The following EYA1 variants were observed in gnomAD, a reference collection of about 807,000 sequenced individuals.
EYA1 encodes the protein EYA transcriptional coactivator and phosphatase 1.
A neutral mutation model predicts 82.0 loss-of-function variants in EYA1; 16 were observed. The ratio of observed to expected loss-of-function variants is 0.20; its 90% CI spans 0.13 to 0.30. The LOEUF (loss-of-function observed/expected upper bound fraction) is 0.30, where lower values mean the gene tolerates loss of function less well. EYA1 is among the 10% of genes least tolerant of loss of function. The pLI is 1.00. For synonymous variants in EYA1, 261 were observed against 264.4 expected, an observed-to-expected ratio of 0.99 and a Z score of 0.12; for missense variants, 633 against 730.7, an observed-to-expected ratio of 0.87 and a Z score of 1.54.
chr8:71,505,973 T>C (rs1002570251), intron 2 of EYA1, among the ~76,000 whole-genome samples: 13 of 152,116 alleles, frequency 8.5e-5, no homozygotes, highest in Non-Finnish European at 1.5e-4. Context: ...GACAGGTCCT[T>C]CTTCACACAC....
rs771783731 is a variant in EYA1 at position 71,216,712 on chromosome 8, G to A, written c.1340C>T (p.Thr447Ile). Residue 447 changes from threonine (T) to isoleucine (I), a missense_variant, in exon 14 of 18, where the codon ACC becomes ATC. Physicochemically the swap from Thr to Ile is moderately conservative, Grantham distance 89. Coordinates refer to ENST00000340726, the MANE Select transcript of EYA1 (RefSeq NM_000503.6). ...CTTGCCTCCAACATTATTTTTGTAGGTGTTGTAGATCTCTTTTACCCGTCT... is the reference window on the plus strand; with the variant it reads ...CTTGCCTCCAACATTATTTTTGTAGATGTTGTAGATCTCTTTTACCCGTCT... ...RYRRVKEIYN[T>I]YKNNVGGLLG... 5.6e-6 allele frequency: 9 copies of A among 1,613,996 alleles called. No individual in the cohort carries two copies. The highest frequency in any genetic ancestry group is 7.6e-6 in the Non-Finnish European group (9 of 1,179,996).
chr8:71,546,317 T>C (rs539866481), intron 1 of EYA1, among the ~76,000 whole-genome samples: 2 of 152,320 alleles, frequency 1.3e-5, no homozygotes, highest in South Asian at 4.1e-4. Flanking sequence ...TCTGGTACAA[T>C]GCACATTTTC....
At chr8:71,291,589 C>A (rs1819004405) in intron 9 of EYA1, among the ~76,000 whole-genome samples, 1 of 152,174 alleles carries the variant, frequency 6.6e-6, no homozygotes, top group Non-Finnish European at 1.5e-5. Flanking sequence ...AACTAATTAT[C>A]TTTTATTTCA....
chr8:71,421,297 C>T (rs1033179325), intron 2 of EYA1, among the ~76,000 whole-genome samples: 2 of 152,196 alleles, frequency 1.3e-5, no homozygotes, highest in Admixed American at 6.5e-5. Context: ...GGGAACTCAG[C>T]ACAGACTTAG....
chr8:71,352,890 CTG>C (rs1826445699), intron 3 of EYA1, among the ~76,000 whole-genome samples: 1 of 152,158 alleles, frequency 6.6e-6, no homozygotes, highest in Non-Finnish European at 1.5e-5. Flanking sequence ...AACACACACT[CTG>C]TTTCAGTACT....
chr8:71,346,463 T>TATATAC (rs1825754332), intron 3 of EYA1, among the ~76,000 whole-genome samples: 1 of 147,084 alleles, frequency 6.8e-6, no homozygotes, highest in Non-Finnish European at 1.5e-5. Flanking sequence ...TATCTATATA[T>TATATAC]ATCCTTCTCC....
chr8:71,256,255 C>T (rs1323511816), intron 11 of EYA1, among the ~76,000 whole-genome samples: 1 of 152,106 alleles, frequency 6.6e-6, no homozygotes, highest in East Asian at 1.9e-4. Context: ...TTTGCATACT[C>T]ATATTCATAG....
At chr8:71,268,736 C>T (rs1816163916) in intron 11 of EYA1, among the ~76,000 whole-genome samples, 1 of 152,126 alleles carries the variant, frequency 6.6e-6, no homozygotes, top group South Asian at 2.1e-4. Context: ...GAAATCTGGG[C>T]TGTGAAGCTA....
At chr8:71,453,629 C>G (rs377187081) in intron 2 of EYA1, among the ~76,000 whole-genome samples, 58 of 152,208 alleles carry the variant, frequency 3.8e-4, no homozygotes, top group African/African-American at 1.2e-3. Flanking sequence ...CATTCTTAAA[C>G]AAAAGAATTT....
At chr8:71,281,312 A>G (rs369864069) in intron 9 of EYA1, among the ~76,000 whole-genome samples, 2 of 152,124 alleles carry the variant, frequency 1.3e-5, no homozygotes, top group African/African-American at 4.8e-5. Context: ...AACCTCCAAC[A>G]CTGCTGAAGC....
At chr8:71,363,743 A>C (rs776308089), upstream of EYA1, among the ~76,000 whole-genome samples, 10 of 152,194 alleles carry the variant, frequency 6.6e-5, no homozygotes, top group Admixed American at 1.3e-4. Flanking sequence ...CAAACAGTAA[A>C]TACTTTTGCA....
intron 2 of EYA1, among the ~76,000 whole-genome samples, chr8:71,384,927 C>T (rs917347426): frequency 7.9e-5 from 12 of 152,096 alleles, no homozygotes; most frequent in South Asian, 2.1e-4. Flanking sequence ...TGTTCACTGA[C>T]GCAATAATTT....
Position 71,457,353 on chromosome 8 carries a change from C to T in EYA1, c.33+78391G>A, listed in dbSNP as rs566661691. 4.2e-3 allele frequency among the ~76,000 whole-genome samples: 632 copies of T among 152,246 alleles called. 4 individuals carry two copies. Among genetic ancestry groups the T allele is most frequent in the Non-Finnish European group, 4.5e-3 (305 of 68,016 alleles). On this transcript the variant is annotated intron_variant, in intron 2 of 18. Transcript: ENST00000643681. ...TCAACCATTGTGGAAGACAGTGTGG[C>T]GATTCCTCAAGGATCTAGAACTAGA...
intron 2 of EYA1, among the ~76,000 whole-genome samples, chr8:71,523,303 C>T (rs1049635537): frequency 5.9e-5 from 9 of 151,808 alleles, no homozygotes; most frequent in Admixed American, 5.9e-4. Flanking sequence ...CTCAGCCTCC[C>T]GGGTAGCTGG....
Position 71,317,547 on chromosome 8 carries a change from C to G in EYA1, c.556+5G>C, listed in dbSNP as rs886063088. ...TAAGGAAAATAGCAATGTGTATATA[C>G]AGACCTTGCATCTGGTAGCTGTATG... On this transcript the variant is annotated splice_donor_5th_base_variant and intron_variant, in intron 7 of 17. Transcript: ENST00000340726. 6.2e-7 allele frequency: 1 copy of G among 1,613,750 alleles called. No individual in the cohort carries two copies. Among genetic ancestry groups the G allele is most frequent in the Non-Finnish European group, 8.5e-7 (1 of 1,179,794 alleles).
At chr8:71,470,053 C>T (rs530031560) in intron 2 of EYA1, among the ~76,000 whole-genome samples, 1 of 152,142 alleles carries the variant, frequency 6.6e-6, no homozygotes, top group Non-Finnish European at 1.5e-5. Context: ...GAGTCAGTAG[C>T]TGTTACTTAC....
At chr8:71,453,597 G>A (rs575496814) in intron 2 of EYA1, among the ~76,000 whole-genome samples, 1 of 152,228 alleles carries the variant, frequency 6.6e-6, no homozygotes, top group Non-Finnish European at 1.5e-5. Flanking sequence ...CAAGCCAGAA[G>A]AGAATGGGGG....
intron 4 of EYA1, among the ~76,000 whole-genome samples, chr8:71,333,153 CAA>C (rs754770228): frequency 1.3e-5 from 2 of 152,144 alleles, no homozygotes; most frequent in Non-Finnish European, 2.9e-5. Flanking sequence ...CATTGCCAAG[CAA>C]AAGTCAAATT....
At chr8:71,535,792 A>C in exon 2 of EYA1, 4 of 1,506,166 alleles carry the variant, frequency 2.7e-6, no homozygotes, top group Non-Finnish European at 2.7e-6. Flanking sequence ...ACTTCTTCTG[A>C]ATTATGTATG....
Sources: gnomAD v4.1 joint callset for allele counts (sites outside exome capture counted in the v4.1 genomes callset) on GRCh38, gnomAD v4.1.1 for gene constraint, MANE v1.5 for transcripts, NCBI Gene and HGNC (gene_info 2026-07-23, HGNC 2026-07-21) for gene names.